The following CTNNA2 variants were observed in gnomAD, a reference collection of about 807,000 sequenced individuals.
The protein encoded by CTNNA2 is catenin alpha-2.
In CTNNA2, 42 loss-of-function variants were observed where a neutral mutation model predicts 101.0. The ratio of observed to expected loss-of-function variants is 0.42; its 90% CI spans 0.32 to 0.54. CTNNA2 has a LOEUF of 0.54. Among genes scored for constraint, CTNNA2 ranks in the 20% least tolerant of loss-of-function variants. The pLI is 0.14. For missense variants in CTNNA2, 871 were observed against 1,223.1 expected (o/e 0.71, Z 4.29); for synonymous variants, 450 against 456.4 (o/e 0.99, Z 0.18).
intron 2 of CTNNA2, among the ~76,000 whole-genome samples, chr2:79,731,361 T>A (rs2104920842): frequency 6.6e-6 from 1 of 152,226 alleles, no homozygotes; most frequent in African/African-American, 2.4e-5. Flanking sequence ...TCTACAGTTT[T>A]ACCAAATGTG....
intron 2 of CTNNA2, among the ~76,000 whole-genome samples, chr2:79,294,995 A>ATGTG (rs71385265): frequency 0.5 from 74,518 of 150,504 alleles, 20,454 homozygotes; most frequent in East Asian, 0.66. Context: ...GTGTGAGTTC[A>ATGTG]TGTGTGTGTG....
chr2:79,353,149 T>C lies in CTNNA2; in HGVS notation c.-317-20682T>C, dbSNP rs566941315. Among the ~76,000 whole-genome samples the C allele has an allele frequency of 4.5e-4, 68 of 152,342 alleles. 1 individual carries two copies. In the Middle Eastern group the frequency reaches 0.01, roughly 23 times the overall value. On this transcript the variant is annotated intron_variant, in intron 3 of 21. Transcript: ENST00000466387. ...TGGGTGGGGAGACAGAGCCAAACCA[T>C]ATCAACTGCTTTAACTGCATTCCAA...
At chr2:79,525,759 AC>A (rs950270731) in intron 1 of CTNNA2, among the ~76,000 whole-genome samples, 2 of 151,988 alleles carry the variant, frequency 1.3e-5, no homozygotes, top group Non-Finnish European at 2.9e-5. Flanking sequence ...ATGGCAAGAG[AC>A]TTTTATTAGT....
At chr2:80,066,165 C>T (rs975669518) in intron 7 of CTNNA2, among the ~76,000 whole-genome samples, 3 of 152,146 alleles carry the variant, frequency 2.0e-5, no homozygotes, top group African/African-American at 4.8e-5. Context: ...AAAGATATTA[C>T]AGAAATGAAG....
Position 79,967,117 on chromosome 2 carries a change from C to CAT in CTNNA2, c.1056+57320_1056+57321insAT, listed in dbSNP as rs1553416540. ...CTATGCGTGCACACACGCGCACGCA[C>CAT]GTGTGTGTGTGTGTGTGTGTGTATG... On this transcript the variant is annotated intron_variant, in intron 7 of 18. Transcript: ENST00000402739. Among the ~76,000 whole-genome samples the CAT allele has an allele frequency of 1.2e-4, 18 of 149,672 alleles. No homozygotes were observed. In the South Asian group the frequency reaches 3.2e-3, roughly 27 times the overall value.
At chr2:79,689,006 T>C (rs1573686046) in intron 2 of CTNNA2, among the ~76,000 whole-genome samples, 1 of 151,682 alleles carries the variant, frequency 6.6e-6, no homozygotes, top group Non-Finnish European at 1.5e-5. Flanking sequence ...TCTGGAGGGG[T>C]ATTCATTCAA....
At chr2:80,276,529 T>A (rs1177923217) in intron 7 of CTNNA2, among the ~76,000 whole-genome samples, 1 of 152,172 alleles carries the variant, frequency 6.6e-6, no homozygotes, top group Non-Finnish European at 1.5e-5. Flanking sequence ...GCAGACTCTA[T>A]AAGAAGCATG....
chr2:79,635,638 G>C (rs1273896317), intron 1 of CTNNA2, among the ~76,000 whole-genome samples: 1 of 149,858 alleles, frequency 6.7e-6, no homozygotes, highest in Non-Finnish European at 1.5e-5. Flanking sequence ...CAAGTAGCTG[G>C]GATTACAGGC....
intron 17 of CTNNA2, among the ~76,000 whole-genome samples, chr2:80,617,539 A>G (rs1165933478): frequency 6.6e-6 from 1 of 151,782 alleles, no homozygotes; most frequent in Admixed American, 6.6e-5. Context: ...AAATATAGGC[A>G]AAACACCCAT....
intron 7 of CTNNA2, among the ~76,000 whole-genome samples, chr2:80,337,002 C>G (rs756535269): frequency 3.3e-5 from 5 of 152,148 alleles, no homozygotes; most frequent in Non-Finnish European, 7.3e-5. Flanking sequence ...TCTCCACACT[C>G]TGCATCTCAA....
At chr2:80,101,686 C>T (rs1167936855) in intron 7 of CTNNA2, among the ~76,000 whole-genome samples, 4 of 152,170 alleles carry the variant, frequency 2.6e-5, no homozygotes, top group South Asian at 2.1e-4. Flanking sequence ...GCAGCAGAGG[C>T]GGATCATGGC....
At chr2:79,694,349 A>G (rs909017572) in intron 2 of CTNNA2, among the ~76,000 whole-genome samples, 4 of 152,000 alleles carry the variant, frequency 2.6e-5, no homozygotes, top group Non-Finnish European at 5.9e-5. Flanking sequence ...TGATTTTCTG[A>G]CATTGTTTGG....
intron 2 of CTNNA2, among the ~76,000 whole-genome samples, chr2:79,247,647 AT>A (rs779950579): frequency 6.6e-5 from 10 of 152,240 alleles, no homozygotes; most frequent in South Asian, 4.1e-4. Context: ...GTTATTATCA[AT>A]AGCAACATTT....
intron 9 of CTNNA2, among the ~76,000 whole-genome samples, chr2:80,497,464 CTT>C (rs1687560752): frequency 6.6e-6 from 1 of 152,180 alleles, no homozygotes; most frequent in South Asian, 2.1e-4. Flanking sequence ...ACACTAAACT[CTT>C]TGACTATGCT....
chr2:79,583,499 G>A lies in CTNNA2; in HGVS notation c.-5-68053G>A, dbSNP rs192512644. Among the ~76,000 whole-genome samples the A allele has an allele frequency of 7.9e-5, 12 of 151,844 alleles. No individual in the cohort carries two copies. The East Asian group carries it at 1.7e-3, about 22-fold the overall frequency. ...TGTTGATATATATATATGTTTTTGT[G>A]TGGATGTATATCTCATTTCTTTTGG... On this transcript the variant is annotated intron_variant, in intron 1 of 18. Transcript: ENST00000402739.
chr2:80,478,949 G>A (rs1449539679), intron 9 of CTNNA2, among the ~76,000 whole-genome samples: 1 of 151,234 alleles, frequency 6.6e-6, no homozygotes, highest in Non-Finnish European at 1.5e-5. Flanking sequence ...CATTGAATCT[G>A]TAGATTGCTT....
chr2:79,211,307 G>A (rs952651379), intron 2 of CTNNA2, among the ~76,000 whole-genome samples: 1 of 152,182 alleles, frequency 6.6e-6, no homozygotes, highest in Non-Finnish European at 1.5e-5. Context: ...TTAAGAAGGG[G>A]TTTTTAGAGT....
chr2:79,600,992 A>C (rs895852309), intron 1 of CTNNA2, among the ~76,000 whole-genome samples: 2 of 152,138 alleles, frequency 1.3e-5, no homozygotes, highest in East Asian at 3.9e-4. Context: ...ATTTCAACCT[A>C]TAAATTTTAG....
Position 79,744,477 on chromosome 2 carries a change from G to A in CTNNA2, c.193G>A (p.Glu65Lys), listed in dbSNP as rs1237805291. The A allele has an allele frequency of 1.2e-6, 2 of 1,614,138 alleles. No homozygotes were observed. The highest frequency in any genetic ancestry group is 1.7e-5 in the Admixed American group (1 of 60,020). The change falls in exon 3 of 19, where the codon GAG becomes AAG. Residue 65 changes from glutamate to lysine, a missense_variant. Glu to Lys is a moderately conservative substitution (Grantham distance 56). Coordinates refer to ENST00000402739, the MANE Select transcript of CTNNA2 (RefSeq NM_001282597.3). Reference protein sequence around the residue: ...KKAHVLAASVEQATQNFLEKG... With the variant: ...KKAHVLAASVKQATQNFLEKG... ...AGCCCATGTACTAGCTGCCTCTGTA[G>A]AGCAAGCCACTCAGAATTTCCTGGA...
Sources: allele counts gnomAD v4.1 joint callset (sites outside exome capture counted in the v4.1 genomes callset), GRCh38; gene constraint gnomAD v4.1.1; transcripts MANE v1.5; gene names NCBI Gene and HGNC (gene_info 2026-07-23, HGNC 2026-07-21).